The following GRIK5 variants were observed in gnomAD, a reference collection of about 807,000 sequenced individuals.
GRIK5 encodes the protein glutamate ionotropic receptor kainate type subunit 5, also known as glutamate receptor ionotropic, kainate 5.
Under a neutral mutation model 97.4 loss-of-function variants are expected in GRIK5, and 43 were observed. The ratio of observed to expected loss-of-function variants is 0.44; its 90% CI spans 0.35 to 0.57. The LOEUF (loss-of-function observed/expected upper bound fraction) is 0.57, where lower values mean the gene tolerates loss of function less well. Ranked by LOEUF, GRIK5 falls within the 20% of genes least tolerant of loss-of-function variation. The pLI, the probability that GRIK5 is intolerant of heterozygous loss-of-function variation, is 0.01. For missense variants in GRIK5, 1,015 were observed against 1,382.0 expected (o/e 0.73, Z 4.21); for synonymous variants, 580 against 583.5 (o/e 0.99, Z 0.09).
At chr19:42,044,003 G>A (rs2076012251) in intron 11 of GRIK5, among the ~76,000 whole-genome samples, 1 of 152,144 alleles carries the variant, frequency 6.6e-6, no homozygotes, top group South Asian at 2.1e-4. Context: ...TAATCCCTAT[G>A]TGTCAAGGGA....
Position 42,002,178 on chromosome 19 carries a change from C to G in GRIK5, c.2514+1154G>C, listed in dbSNP as rs2075429977. On this transcript the variant is annotated intron_variant, in intron 19 of 19. Transcript: ENST00000593562. This position sits in a 1 kb window ranked among gnomAD's most constrained non-coding sequence, Gnocchi z 5.2. Reference sequence around the variant, plus strand: ...TGGAGTGGCAGGGACCGATGCCAGACTGGAGTGGGGGGCAAGAGGAAATGG... The same window carrying G: ...TGGAGTGGCAGGGACCGATGCCAGAGTGGAGTGGGGGGCAAGAGGAAATGG... The G allele has an allele frequency of 2.8e-6, 2 of 717,440 alleles. No individual in the cohort carries two copies. The highest frequency in any genetic ancestry group is 5.2e-6 in the Non-Finnish European group (2 of 385,110). The allele number at this position is 717,440 out of a possible 1,614,324, so 44.4% of individuals were successfully genotyped here.
chr19:42,019,855 T>C (rs918480530), intron 15 of GRIK5, among the ~76,000 whole-genome samples: 3 of 152,240 alleles, frequency 2.0e-5, no homozygotes, highest in African/African-American at 7.2e-5. Flanking sequence ...TTTTACGCCA[T>C]TGAGATCTAT....
At position 41,999,322 on chromosome 19, in the gene GRIK5, C is replaced by G. The variant is rs2075406296; in HGVS notation, c.2515-23G>C. ...CACCTGGGGGTGGCGCGGGCGGTCA[C>G]CGTCCCGGCGCAGTCCGCCTCCCGC... On this transcript the variant is annotated intron_variant, in intron 19 of 19. Coordinates refer to ENST00000593562, the MANE Select transcript of GRIK5 (RefSeq NM_002088.5). This position sits in a 1 kb window ranked among gnomAD's most constrained non-coding sequence, Gnocchi z 5.0. The G allele has an allele frequency of 6.7e-7, 1 of 1,500,170 alleles. No homozygotes were observed. Among genetic ancestry groups the G allele is most frequent in the Non-Finnish European group, 8.8e-7 (1 of 1,130,740 alleles). The allele number at this position is 1,500,170 out of a possible 1,614,324, so 92.9% of individuals were successfully genotyped here. A position where few individuals can be genotyped will look rare whatever the true frequency, so the allele number is the denominator to read the frequency against.
At chr19:42,027,878 G>A (rs1187911663) in intron 12 of GRIK5, among the ~76,000 whole-genome samples, 1 of 152,172 alleles carries the variant, frequency 6.6e-6, no homozygotes, top group Non-Finnish European at 1.5e-5. Flanking sequence ...CACCCAGGCT[G>A]GAGTTTAGTG....
In GRIK5 at chr19:42,021,610, C is replaced by T. The variant is rs1449799913; in HGVS notation, c.1698-136G>A. 3.0e-6 allele frequency: 2 copies of T among 668,898 alleles called. No individual in the cohort carries two copies. Among genetic ancestry groups the T allele is most frequent in the Non-Finnish European group, 5.0e-6 (2 of 401,982 alleles). The allele number at this position is 668,898 out of a possible 1,614,324, so 41.4% of individuals were successfully genotyped here. A position where few individuals can be genotyped will look rare whatever the true frequency, so the allele number is the denominator to read the frequency against. On this transcript the variant is annotated intron_variant, in intron 14 of 19. Transcript: ENST00000593562. The surrounding 1 kb of genome is among the most constrained non-coding windows in gnomAD (Gnocchi z 4.2). ...AAGGAGCAAGATGGACAGAAGCACA[C>T]AGAGAAAAGGCAGAGAGAGATGCAC... is the stretch of plus-strand genomic sequence containing the variant.
chr19:42,049,107 A>C (rs563026858), intron 11 of GRIK5, among the ~76,000 whole-genome samples: 1 of 152,212 alleles, frequency 6.6e-6, no homozygotes, highest in Non-Finnish European at 1.5e-5. Flanking sequence ...CTTCCTGATC[A>C]TTAGGGAAAT....
intron 19 of GRIK5, chr19:42,001,966 G>A: frequency 1.6e-6 from 1 of 606,590 alleles, no homozygotes; most frequent in East Asian, 2.7e-5. Context: ...AACAGAGCCT[G>A]GGGAGAAAGA....
At chr19:42,019,850 C>T (rs184525877) in intron 15 of GRIK5, among the ~76,000 whole-genome samples, 12 of 152,296 alleles carry the variant, frequency 7.9e-5, no homozygotes, top group Admixed American at 5.2e-4. Flanking sequence ...CTTGATTTTA[C>T]GCCATTGAGA....
In GRIK5 at chr19:42,042,852, G is replaced by A. The variant is rs1458921424; in HGVS notation, c.1270-97C>T. On this transcript the variant is annotated intron_variant, in intron 11 of 19. Coordinates refer to ENST00000593562, the MANE Select transcript of GRIK5 (RefSeq NM_002088.5). The surrounding 1 kb of genome is among the most constrained non-coding windows in gnomAD (Gnocchi z 6.9). ...GACCAGGCAGGTAGAGCAGGAATCTGCTTGCTGAGCACGGTTGATTTATTC... is the reference window on the plus strand; with the variant it reads ...GACCAGGCAGGTAGAGCAGGAATCTACTTGCTGAGCACGGTTGATTTATTC... 7.0e-6 allele frequency: 6 copies of A among 853,006 alleles called. No homozygotes were observed. In the African/African-American group the frequency reaches 1.0e-4, roughly 14 times the overall value. The allele number at this position is 853,006 out of a possible 1,614,324, so 52.8% of individuals were successfully genotyped here. A position where few individuals can be genotyped will look rare whatever the true frequency, so the allele number is the denominator to read the frequency against.
rs556962853 is a variant in GRIK5, at chr19:42,063,911, G to T, written c.245-1056C>A. Among the ~76,000 whole-genome samples the T allele has an allele frequency of 5.9e-5, 9 of 152,236 alleles. 1 individual carries two copies. In the East Asian group the frequency reaches 1.7e-3, roughly 29 times the overall value. The stretch of plus-strand genomic sequence containing the variant: ...TTGGTTTCTGCCACCTCTAACTAAA[G>T]GCATCATAACTCAACACCTCATTTC... On this transcript the variant is annotated intron_variant, in intron 3 of 19. Transcript: ENST00000593562.
chr19:42,033,588 GA>G (rs1466363667), intron 12 of GRIK5, among the ~76,000 whole-genome samples: 1 of 152,072 alleles, frequency 6.6e-6, no homozygotes, highest in African/African-American at 2.4e-5. Flanking sequence ...AAACGTTTTG[GA>G]GCTAGATAGC....
chr19:42,023,711 G>C (rs2075732025), intron 12 of GRIK5, among the ~76,000 whole-genome samples: 8 of 152,194 alleles, frequency 5.3e-5, no homozygotes, highest in Admixed American at 5.2e-4. Flanking sequence ...GCAAGGACAG[G>C]GGCTCTGCTC....
At chr19:42,035,872 AAAT>A (rs1458726546) in intron 12 of GRIK5, among the ~76,000 whole-genome samples, 20 of 152,178 alleles carry the variant, frequency 1.3e-4, no homozygotes, top group African/African-American at 4.8e-4. Flanking sequence ...TATAAACAGA[AAAT>A]AAAGGAGTTC....
At chr19:42,066,636 G>T (rs965798962) in intron 1 of GRIK5, among the ~76,000 whole-genome samples, 2 of 151,874 alleles carry the variant, frequency 1.3e-5, no homozygotes, top group Non-Finnish European at 2.9e-5. Flanking sequence ...GGGTAGAAAT[G>T]GAGAGAAAAG....
chr19:42,031,712 C>A (rs2075843163), intron 12 of GRIK5, among the ~76,000 whole-genome samples: 1 of 152,196 alleles, frequency 6.6e-6, no homozygotes, highest in Non-Finnish European at 1.5e-5. Context: ...TGTAGTCTTT[C>A]TGGAAAATAA....
intron 15 of GRIK5, among the ~76,000 whole-genome samples, chr19:42,017,058 G>C (rs982156704): frequency 5.3e-5 from 8 of 152,158 alleles, no homozygotes; most frequent in Admixed American, 5.2e-4. Context: ...CTCACCGTTG[G>C]GGGAAATCAT....
At chr19:42,068,240 C>G (rs972167185) in intron 1 of GRIK5, among the ~76,000 whole-genome samples, 4 of 151,954 alleles carry the variant, frequency 2.6e-5, no homozygotes, top group Non-Finnish European at 5.9e-5. Flanking sequence ...CAGGCAGGGA[C>G]AGGGCAAGCA....
rs1351874685 is a variant in GRIK5 at position 42,005,213 on chromosome 19, G to A, written c.2263+510C>T. On this transcript the variant is annotated intron_variant, in intron 17 of 19. Coordinates refer to ENST00000593562, the MANE Select transcript of GRIK5 (RefSeq NM_002088.5). ...TCCCAACACTTTGGGAGGCCAAGGC[G>A]GGCGACAGAGCAAGACTCCGTCTCA... Among the ~76,000 whole-genome samples, 3 of 147,980 alleles carry A rather than the reference G, an allele frequency of 2.0e-5. No homozygotes were observed. In the South Asian group the frequency reaches 6.5e-4, roughly 32 times the overall value.
chr19:42,006,133 A>G lies in GRIK5; in HGVS notation c.2038-185T>C, dbSNP rs1310560854. ...AAACTGTCCAGGCCAGGTCCAAGTC[A>G]TCCCCACAGCCACTGTGCCCACCAC... On this transcript the variant is annotated intron_variant, in intron 16 of 19. Transcript: ENST00000593562. The surrounding 1 kb of genome is among the most constrained non-coding windows in gnomAD (Gnocchi z 5.3). Among the ~76,000 whole-genome samples the G allele has an allele frequency of 6.6e-6, 1 of 152,102 alleles. No individual in the cohort carries two copies. Among genetic ancestry groups the G allele is most frequent in the Non-Finnish European group, 1.5e-5 (1 of 68,006 alleles).
Sources: allele counts gnomAD v4.1 joint callset (sites outside exome capture counted in the v4.1 genomes callset), GRCh38; gene constraint gnomAD v4.1.1; non-coding constraint Gnocchi (gnomAD v3.1); transcripts MANE v1.5; gene names NCBI Gene and HGNC (gene_info 2026-07-23, HGNC 2026-07-21).